Variants in WWOX observed in about 807,000 individuals in gnomAD.
The protein encoded by WWOX is WW domain containing oxidoreductase.
WWOX carries 69 observed loss-of-function variants against 46.2 expected under a neutral mutation model. The ratio of observed to expected loss-of-function variants is 1.49; its 90% CI spans 1.23 to 1.82. WWOX has a LOEUF of 1.82. Ranked by LOEUF, WWOX falls within the 40% of genes most tolerant of loss-of-function variation. The pLI, the probability that WWOX is intolerant of heterozygous loss-of-function variation, is 0.00. For synonymous variants in WWOX, 359 were observed against 202.6 expected, an observed-to-expected ratio of 1.77 and a Z score of -6.56; for missense variants, 919 against 542.6, an observed-to-expected ratio of 1.69 and a Z score of -6.89.
intron 8 of WWOX, among the ~76,000 whole-genome samples, chr16:78,796,013 C>T (rs1035262164): frequency 2.6e-5 from 4 of 151,914 alleles, no homozygotes; most frequent in Non-Finnish European, 5.9e-5. Context: ...ATCCTAAGAC[C>T]CACTAAGGAA....
At chr16:78,677,229 G>A (rs528006140) in intron 8 of WWOX, among the ~76,000 whole-genome samples, 4 of 152,164 alleles carry the variant, frequency 2.6e-5, no homozygotes, top group African/African-American at 7.2e-5. Context: ...AATTATACCC[G>A]GCCTCAGGGT....
At chr16:78,193,496 T>G (rs1316474750) in intron 5 of WWOX, among the ~76,000 whole-genome samples, 1 of 20,274 alleles carries the variant, frequency 4.9e-5, no homozygotes, top group East Asian at 1.5e-3. Context: ...GTCTTTTCAG[T>G]GATCAGTCAC....
intron 5 of WWOX, among the ~76,000 whole-genome samples, chr16:78,183,295 C>T (rs867620264): frequency 6.6e-6 from 1 of 152,076 alleles, no homozygotes; most frequent in African/African-American, 2.4e-5. Flanking sequence ...GGAAGCAAGG[C>T]CTGTATTATG....
At chr16:78,257,648 T>G (rs1290365330) in intron 5 of WWOX, among the ~76,000 whole-genome samples, 1 of 151,928 alleles carries the variant, frequency 6.6e-6, no homozygotes, top group Non-Finnish European at 1.5e-5. Flanking sequence ...CCGCAGCGGT[T>G]TTTTCCATCT....
intron 8 of WWOX, among the ~76,000 whole-genome samples, chr16:78,973,393 T>C (rs969159835): frequency 1.3e-5 from 2 of 152,206 alleles, no homozygotes; most frequent in East Asian, 1.9e-4. Context: ...ATCTCCACTT[T>C]TAACAGCACA....
chr16:78,808,389 A>G (rs537021150), intron 8 of WWOX, among the ~76,000 whole-genome samples: 3 of 152,374 alleles, frequency 2.0e-5, no homozygotes, highest in African/African-American at 7.2e-5. Flanking sequence ...ATATAGGTGC[A>G]AATAATTTTC....
chr16:78,637,476 A>G (rs2046601606), intron 8 of WWOX, among the ~76,000 whole-genome samples: 1 of 151,812 alleles, frequency 6.6e-6, no homozygotes, highest in African/African-American at 2.4e-5. Context: ...GCCCCACGTT[A>G]CAGATGAGGC....
At chr16:78,231,689 A>T (rs1376118061) in intron 5 of WWOX, among the ~76,000 whole-genome samples, 1 of 152,190 alleles carries the variant, frequency 6.6e-6, no homozygotes, top group African/African-American at 2.4e-5. Context: ...AATTATTATC[A>T]ATTGCCTCTC....
At chr16:78,672,465 T>A (rs911708777) in intron 8 of WWOX, among the ~76,000 whole-genome samples, 7 of 152,210 alleles carry the variant, frequency 4.6e-5, no homozygotes, top group African/African-American at 1.7e-4. Context: ...CTCCTCATGT[T>A]CCGGTTTCTG....
At chr16:78,887,728 AAAG>A (rs1300898828) in intron 8 of WWOX, among the ~76,000 whole-genome samples, 3 of 152,228 alleles carry the variant, frequency 2.0e-5, no homozygotes, top group Admixed American at 6.5e-5. Context: ...TGACAAAACA[AAAG>A]AAGATTTCCA....
intron 8 of WWOX, among the ~76,000 whole-genome samples, chr16:78,962,142 A>G (rs2046282356): frequency 6.6e-6 from 1 of 151,880 alleles, no homozygotes; most frequent in Non-Finnish European, 1.5e-5. Flanking sequence ...CTGAACAGGA[A>G]TCTCTCCCAG....
rs139846680 is a variant in WWOX, at chr16:78,476,291, C to G, written c.1056+43539C>G. Among the ~76,000 whole-genome samples the G allele has an allele frequency of 7.1e-3, 1,080 of 152,314 alleles. 16 individuals are homozygous for G. Among genetic ancestry groups the G allele is most frequent in the East Asian group, 0.055 (286 of 5,186 alleles). On this transcript the variant is annotated intron_variant, in intron 8 of 8. Transcript: ENST00000566780. ...TGTCTTCTTTTGAGAAGTGTCTGATCATATCCTTCGCCCACTTGGGTGGAT... is the reference window on the plus strand; with the variant it reads ...TGTCTTCTTTTGAGAAGTGTCTGATGATATCCTTCGCCCACTTGGGTGGAT...
chr16:78,352,145 A>G lies in WWOX; in HGVS notation c.517-34715A>G, dbSNP rs1597080582. Among the ~76,000 whole-genome samples, 4 of 152,322 alleles carry G rather than the reference A, an allele frequency of 2.6e-5. 1 individual carries two copies. The highest frequency in any genetic ancestry group is 2.6e-4 in the Admixed American group (4 of 15,308). ...CGGCCTATGCGATTGTGAAAATGTG[A>G]GCATATGCAGGCCAGACCTTGGCTT... On this transcript the variant is annotated intron_variant, in intron 5 of 8. Transcript: ENST00000566780.
rs557404796 is a variant in WWOX at position 78,650,329 on chromosome 16, AAAAATAC to A, written c.1056+217579_1056+217585del. On this transcript the variant is annotated intron_variant, in intron 8 of 8. Coordinates refer to ENST00000566780, the MANE Select transcript of WWOX (RefSeq NM_016373.4). ...TTCAGAATAACATACTGCTGTCTGT[AAAAATAC>A]AGATAATTTCTCTCTTAAATTCCAT... Among the ~76,000 whole-genome samples, 229 of 152,328 alleles carry A rather than the reference AAAAATAC, an allele frequency of 1.5e-3. 1 individual carries two copies. The highest frequency in any genetic ancestry group is 5.1e-3 in the African/African-American group (212 of 41,586).
intron 8 of WWOX, among the ~76,000 whole-genome samples, chr16:78,530,565 T>C (rs1355559151): frequency 1.3e-5 from 2 of 152,112 alleles, no homozygotes; most frequent in African/African-American, 4.8e-5. Flanking sequence ...GAGCCTGGGG[T>C]TTTTATGGGT....
chr16:78,815,479 T>C (rs1263383822), intron 8 of WWOX, among the ~76,000 whole-genome samples: 1 of 152,186 alleles, frequency 6.6e-6, no homozygotes, highest in African/African-American at 2.4e-5. Flanking sequence ...TAAACACTTC[T>C]TACGTTACCC....
chr16:78,296,944 G>T (rs1249427726), intron 5 of WWOX, among the ~76,000 whole-genome samples: 1 of 152,124 alleles, frequency 6.6e-6, no homozygotes, highest in Non-Finnish European at 1.5e-5. Flanking sequence ...TTTGGATGGT[G>T]TTTATTAAAG....
intron 8 of WWOX, among the ~76,000 whole-genome samples, chr16:78,686,967 G>C (rs544388007): frequency 6.6e-6 from 1 of 152,358 alleles, no homozygotes; most frequent in African/African-American, 2.4e-5. Flanking sequence ...TGCAAGTTAA[G>C]TGGAACATCA....
At chr16:79,083,891 A>G (rs2048807074) in intron 8 of WWOX, among the ~76,000 whole-genome samples, 1 of 152,092 alleles carries the variant, frequency 6.6e-6, no homozygotes, top group South Asian at 2.1e-4. Context: ...GCAAACTGAC[A>G]TTTCTTCATC....
Sources: allele counts gnomAD v4.1 joint callset (sites outside exome capture counted in the v4.1 genomes callset), GRCh38; gene constraint gnomAD v4.1.1; transcripts MANE v1.5; gene names NCBI Gene and HGNC (gene_info 2026-07-23, HGNC 2026-07-21).